RUNX1: variants seen among roughly 807,000 people sequenced by gnomAD.
The protein encoded by RUNX1 is RUNX family transcription factor 1.
A neutral mutation model predicts 42.8 loss-of-function variants in RUNX1; 19 were observed. That is an observed-to-expected ratio of 0.44 (90% confidence interval 0.31 to 0.65). RUNX1 has a LOEUF of 0.65. Ranked by LOEUF, RUNX1 falls within the 30% of genes least tolerant of loss-of-function variation. The pLI is 0.07. For missense variants in RUNX1, 528 were observed against 672.0 expected (o/e 0.79, Z 2.37); for synonymous variants, 271 against 289.4 (o/e 0.94, Z 0.64).
chr21:34,798,019 C>G (rs1195566821), intron 8 of RUNX1: 2 of 456,544 alleles, frequency 4.4e-6, no homozygotes, highest in African/African-American at 4.0e-5. Context: ...CGTTGTGAAG[C>G]TCTTAGAAGG....
At chr21:34,997,377 C>G (rs1479042541) in intron 2 of RUNX1, among the ~76,000 whole-genome samples, 1 of 152,172 alleles carries the variant, frequency 6.6e-6, no homozygotes, top group Non-Finnish European at 1.5e-5. Flanking sequence ...TGAGATAGGG[C>G]AGTGTAATGC....
chr21:34,981,075 G>C (rs907345981), intron 2 of RUNX1, among the ~76,000 whole-genome samples: 1 of 152,168 alleles, frequency 6.6e-6, no homozygotes, highest in African/African-American at 2.4e-5. Context: ...ATTATTAAGA[G>C]GCTAAAATAT....
At chr21:35,004,723 G>A (rs62218488) in intron 2 of RUNX1, among the ~76,000 whole-genome samples, 16,489 of 152,252 alleles carry the variant, frequency 0.11, 1,214 homozygotes, top group Middle Eastern at 0.17. Flanking sequence ...AAGGGATCAT[G>A]TATTTGGGGA....
intron 2 of RUNX1, among the ~76,000 whole-genome samples, chr21:34,969,408 A>C (rs2058744181): frequency 6.6e-6 from 1 of 152,176 alleles, no homozygotes; most frequent in South Asian, 2.1e-4. Flanking sequence ...AGAAAAAAAA[A>C]ACACAGAAAA....
chr21:34,958,871 T>C (rs1284764570), intron 2 of RUNX1, among the ~76,000 whole-genome samples: 1 of 151,894 alleles, frequency 6.6e-6, no homozygotes, highest in East Asian at 1.9e-4. Flanking sequence ...TATGCAGCCA[T>C]AAAAAAGGAT....
intron 7 of RUNX1, among the ~76,000 whole-genome samples, chr21:34,817,021 C>T (rs761067648): frequency 6.6e-4 from 101 of 152,298 alleles, no homozygotes; most frequent in Non-Finnish European, 1.3e-3. Flanking sequence ...CCTGCTTCTT[C>T]GGCCACTTTC....
chr21:35,041,904 G>C (rs1348669961), intron 2 of RUNX1, among the ~76,000 whole-genome samples: 1 of 151,682 alleles, frequency 6.6e-6, no homozygotes, highest in African/African-American at 2.4e-5. Context: ...TTGAAAGAAG[G>C]TTTCCCTCTT....
chr21:34,860,504 AC>A (rs1875749894), intron 5 of RUNX1, among the ~76,000 whole-genome samples: 1 of 150,776 alleles, frequency 6.6e-6, no homozygotes, highest in Non-Finnish European at 1.5e-5. Flanking sequence ...TATCTGGCAC[AC>A]GGTATTCAAC....
chr21:34,894,638 T>C (rs774247406), intron 2 of RUNX1, among the ~76,000 whole-genome samples: 11 of 152,126 alleles, frequency 7.2e-5, no homozygotes, highest in Non-Finnish European at 1.0e-4. Flanking sequence ...CAGTGAACAA[T>C]GAATCTGGTA....
intron 7 of RUNX1, among the ~76,000 whole-genome samples, chr21:34,824,960 T>C (rs1331128025): frequency 6.6e-6 from 1 of 152,116 alleles, no homozygotes; most frequent in Non-Finnish European, 1.5e-5. Context: ...CATATATTGT[T>C]TGTTCTTCTC....
At chr21:34,814,374 T>C (rs1457988393) in intron 7 of RUNX1, among the ~76,000 whole-genome samples, 2 of 152,218 alleles carry the variant, frequency 1.3e-5, no homozygotes, top group African/African-American at 2.4e-5. Context: ...GGGATCACAC[T>C]GTCACCTGTG....
intron 2 of RUNX1, among the ~76,000 whole-genome samples, chr21:34,928,949 A>G (rs1327112994): frequency 7.5e-5 from 7 of 93,144 alleles, no homozygotes; most frequent in Admixed American, 5.1e-4. Context: ...GCTTATTTCT[A>G]CAGATTTTTT....
intron 2 of RUNX1, among the ~76,000 whole-genome samples, chr21:35,012,588 A>G (rs1400863008): frequency 6.6e-6 from 1 of 152,256 alleles, no homozygotes; most frequent in Non-Finnish European, 1.5e-5. Flanking sequence ...TTGGATTAAT[A>G]AAAATTAGTG....
intron 4 of RUNX1, among the ~76,000 whole-genome samples, chr21:34,882,706 T>C (rs906984911): frequency 2.0e-5 from 3 of 150,760 alleles, no homozygotes; most frequent in Admixed American, 2.0e-4. Context: ...TTTTTTTTTC[T>C]ATTCCCGAAA....
chr21:34,849,423 AG>A lies in RUNX1; in HGVS notation c.613+10050del, dbSNP rs1274439650. The stretch of plus-strand genomic sequence containing the variant: ...TTATACTATATATAATATATTATAT[AG>A]TATATATATTATATATATACTATAT... On this transcript the variant is annotated intron_variant, in intron 6 of 8. Coordinates refer to ENST00000675419, the MANE Select transcript of RUNX1 (RefSeq NM_001754.5). 4.5e-3 allele frequency among the ~76,000 whole-genome samples: 326 copies of A among 71,902 alleles called. 24 individuals are homozygous for A. Among genetic ancestry groups the A allele is most frequent in the African/African-American group, 0.018 (320 of 18,054 alleles). The allele number at this position is 71,902 out of a possible 152,430, so 47.2% of individuals were successfully genotyped here. A position where few individuals can be genotyped will look rare whatever the true frequency, so the allele number is the denominator to read the frequency against.
intron 2 of RUNX1, among the ~76,000 whole-genome samples, chr21:35,037,155 A>G (rs961338742): frequency 1.3e-5 from 2 of 152,164 alleles, no homozygotes; most frequent in Non-Finnish European, 2.9e-5. Flanking sequence ...TGTCACCCTG[A>G]TATCACCTTC....
At chr21:35,025,732 A>AAG (rs1569155813) in intron 2 of RUNX1, among the ~76,000 whole-genome samples, 1 of 152,168 alleles carries the variant, frequency 6.6e-6, no homozygotes, top group Non-Finnish European at 1.5e-5. Context: ...TAGGAATGGG[A>AAG]AGACAGCCTC....
intron 2 of RUNX1, among the ~76,000 whole-genome samples, chr21:34,947,517 C>T (rs2058572684): frequency 6.6e-6 from 1 of 152,128 alleles, no homozygotes; most frequent in Non-Finnish European, 1.5e-5. Flanking sequence ...TTATTTCCTG[C>T]AAGCAGAAAT....
intron 2 of RUNX1, among the ~76,000 whole-genome samples, chr21:35,048,586 CA>C (rs1341021106): frequency 1.3e-5 from 2 of 152,222 alleles, no homozygotes; most frequent in Non-Finnish European, 1.5e-5. Context: ...TCGCACTTGA[CA>C]AAGTTCTCAC....
Sources: allele counts gnomAD v4.1 joint callset (sites outside exome capture counted in the v4.1 genomes callset), GRCh38; gene constraint gnomAD v4.1.1; transcripts MANE v1.5; gene names NCBI Gene and HGNC (gene_info 2026-07-23, HGNC 2026-07-21).